KCNH7: variants seen among roughly 807,000 people sequenced by gnomAD.
The protein encoded by KCNH7 is voltage-gated inwardly rectifying potassium channel KCNH7.
Under a neutral mutation model 120.8 loss-of-function variants are expected in KCNH7, and 49 were observed. The ratio of observed to expected loss-of-function variants is 0.41; its 90% confidence interval spans 0.32 to 0.51. The LOEUF is 0.51. Ranked by LOEUF, KCNH7 falls within the 20% of genes least tolerant of loss-of-function variation. The pLI is 0.38. For synonymous variants in KCNH7, 547 were observed against 516.1 expected, an observed-to-expected ratio of 1.06 and a Z score of -0.81; for missense variants, 1,097 against 1,446.6, an observed-to-expected ratio of 0.76 and a Z score of 3.92.
intron 2 of KCNH7, among the ~76,000 whole-genome samples, chr2:162,640,498 C>A (rs951818497): frequency 2.0e-5 from 3 of 147,406 alleles, no homozygotes; most frequent in Admixed American, 1.3e-4. Flanking sequence ...ATCCCATATA[C>A]ATTAAAAAAA....
At position 162,415,976 on chromosome 2, in the gene KCNH7, C is replaced by T. The variant is rs1222661710; in HGVS notation, c.2154+7360G>A. ...TAGAAGTCCGGCTTGTAAAATTTTG[C>T]ACCATGTAGCTGTTTTCCTGGCATT... On this transcript the variant is annotated intron_variant, in intron 9 of 15. Transcript: ENST00000332142. Among the ~76,000 whole-genome samples, 3 of 152,064 alleles carry T rather than the reference C, an allele frequency of 2.0e-5. No individual in the cohort carries two copies. The East Asian group carries it at 5.8e-4, about 29-fold the overall frequency.
At chr2:162,597,225 C>T (rs1052583658) in intron 2 of KCNH7, among the ~76,000 whole-genome samples, 3 of 151,942 alleles carry the variant, frequency 2.0e-5, no homozygotes, top group South Asian at 2.1e-4. Flanking sequence ...ATCGATATAC[C>T]GTAGAGATAT....
chr2:162,541,773 G>A (rs1241655491), intron 2 of KCNH7, among the ~76,000 whole-genome samples: 2 of 152,034 alleles, frequency 1.3e-5, no homozygotes, highest in African/African-American at 4.8e-5. Context: ...AATGATCTCT[G>A]CAGCAAACCA....
intron 7 of KCNH7, among the ~76,000 whole-genome samples, chr2:162,445,452 A>G (rs1688548104): frequency 6.6e-6 from 1 of 151,630 alleles, no homozygotes; most frequent in South Asian, 2.1e-4. Context: ...GAGCTGATTA[A>G]AGTTCTGGAC....
Position 162,504,438 on chromosome 2 carries a change from C to A in KCNH7, c.1128+5G>T. The A allele has an allele frequency of 1.9e-6, 3 of 1,602,818 alleles. No individual in the cohort carries two copies. The highest frequency in any genetic ancestry group is 1.1e-5 in the South Asian group (1 of 90,830). On this transcript the variant is annotated splice_donor_5th_base_variant and intron_variant, in intron 6 of 15. Transcript: ENST00000332142. Reference sequence around the variant, plus strand: ...GTTGAAATTGATAAGAAAATTGTGTCCTACCTGGGTCACTTTCTCAGTCAC... The same window carrying A: ...GTTGAAATTGATAAGAAAATTGTGTACTACCTGGGTCACTTTCTCAGTCAC...
intron 2 of KCNH7, among the ~76,000 whole-genome samples, chr2:162,579,823 T>C (rs77702929): frequency 5.3e-5 from 8 of 151,772 alleles, no homozygotes; most frequent in Non-Finnish European, 1.0e-4. Flanking sequence ...CTTTTTTTTT[T>C]CTCAGAAAGG....
intron 6 of KCNH7, among the ~76,000 whole-genome samples, chr2:162,450,864 A>G (rs1433551630): frequency 6.6e-6 from 1 of 152,008 alleles, no homozygotes; most frequent in Non-Finnish European, 1.5e-5. Context: ...GGAGGGAAGT[A>G]ATGGAAGCCT....
chr2:162,545,312 C>A (rs1574085216), intron 2 of KCNH7, among the ~76,000 whole-genome samples: 1 of 152,166 alleles, frequency 6.6e-6, no homozygotes, highest in Non-Finnish European at 1.5e-5. Context: ...TTATTTGACT[C>A]TGAAGTCCTA....
intron 2 of KCNH7, among the ~76,000 whole-genome samples, chr2:162,640,714 T>C (rs1684123060): frequency 6.6e-6 from 1 of 152,120 alleles, no homozygotes; most frequent in South Asian, 2.1e-4. Context: ...ATTTTGTTAA[T>C]ATCAAAACTT....
intron 9 of KCNH7, among the ~76,000 whole-genome samples, chr2:162,422,485 CT>C (rs1000745213): frequency 4.0e-5 from 6 of 151,880 alleles, no homozygotes; most frequent in East Asian, 1.9e-4. Flanking sequence ...TATTTTTATT[CT>C]TTTTTTTCTG....
intron 2 of KCNH7, among the ~76,000 whole-genome samples, chr2:162,620,672 T>C (rs1559048489): frequency 1.3e-5 from 2 of 152,184 alleles, no homozygotes; most frequent in East Asian, 3.9e-4. Flanking sequence ...ATCTTTTTTA[T>C]GGGGTCTCAC....
intron 9 of KCNH7, among the ~76,000 whole-genome samples, chr2:162,414,698 C>T (rs1257235053): frequency 6.6e-6 from 1 of 151,678 alleles, no homozygotes; most frequent in Non-Finnish European, 1.5e-5. Context: ...AGTTTACACA[C>T]ATAGGTAATA....
At chr2:162,826,688 A>G (rs1685300826) in intron 2 of KCNH7, among the ~76,000 whole-genome samples, 1 of 152,126 alleles carries the variant, frequency 6.6e-6, no homozygotes, top group Non-Finnish European at 1.5e-5. Context: ...ACAGATATTC[A>G]TCTGTAAATG....
intron 2 of KCNH7, among the ~76,000 whole-genome samples, chr2:162,576,717 A>G (rs1693682359): frequency 6.6e-6 from 1 of 151,986 alleles, no homozygotes; most frequent in South Asian, 2.1e-4. Flanking sequence ...ATACACTTTT[A>G]GAGCTAGCAA....
At chr2:162,731,539 T>C (rs891748794) in intron 2 of KCNH7, among the ~76,000 whole-genome samples, 14 of 152,022 alleles carry the variant, frequency 9.2e-5, no homozygotes, top group Admixed American at 3.9e-4. Context: ...AATAAACAAA[T>C]AGTGATCAAG....
chr2:162,739,899 T>C (rs1048250634), intron 2 of KCNH7, among the ~76,000 whole-genome samples: 3 of 152,086 alleles, frequency 2.0e-5, no homozygotes, highest in Admixed American at 1.3e-4. Flanking sequence ...GGCTGGGTAT[T>C]GATTGAGTCC....
At chr2:162,376,557 GT>G (rs1686196812) in intron 14 of KCNH7, among the ~76,000 whole-genome samples, 1 of 151,818 alleles carries the variant, frequency 6.6e-6, no homozygotes, top group Non-Finnish European at 1.5e-5. Flanking sequence ...AGAGATGGGG[GT>G]TCACCATCTT....
At chr2:162,768,164 T>A (rs1682895548) in intron 2 of KCNH7, among the ~76,000 whole-genome samples, 2 of 152,182 alleles carry the variant, frequency 1.3e-5, no homozygotes, top group South Asian at 4.1e-4. Context: ...AAATTTAAGT[T>A]CCTAAATGAT....
chr2:162,782,869 C>T (rs769270554), intron 2 of KCNH7, among the ~76,000 whole-genome samples: 17 of 152,164 alleles, frequency 1.1e-4, no homozygotes, highest in Non-Finnish European at 2.2e-4. Context: ...GAAATCTCCT[C>T]CCCTTCAAAT....
Sources: gnomAD v4.1 joint callset for allele counts (sites outside exome capture counted in the v4.1 genomes callset) on GRCh38, gnomAD v4.1.1 for gene constraint, MANE v1.5 for transcripts, NCBI Gene and HGNC (gene_info 2026-07-23, HGNC 2026-07-21) for gene names.